RBFOX1: variants seen among roughly 807,000 people sequenced by gnomAD.
RBFOX1 encodes RNA binding protein fox-1 homolog 1.
In RBFOX1, 8 loss-of-function variants were observed where a neutral mutation model predicts 57.7. The observed-to-expected ratio is 0.14, with a 90% CI of 0.08 to 0.25. RBFOX1 has a LOEUF of 0.25. Among genes scored for constraint, RBFOX1 ranks in the 10% least tolerant of loss-of-function variants. The probability of loss-of-function intolerance (pLI) is 1.00; values close to 1 mark genes in which losing one functional copy is unlikely to be tolerated. For synonymous variants in RBFOX1, 326 were observed against 222.4 expected (o/e 1.47, Z -4.15); for missense variants, 611 against 548.5 (o/e 1.11, Z -1.14).
chr16:7,270,611 C>G (rs1400595035), intron 4 of RBFOX1, among the ~76,000 whole-genome samples: 1 of 152,154 alleles, frequency 6.6e-6, no homozygotes, highest in Non-Finnish European at 1.5e-5. Context: ...GAAAATAGGT[C>G]TTAAAATTCA....
chr16:5,818,792 C>A (rs1361192230), intron 3 of RBFOX1, among the ~76,000 whole-genome samples: 1 of 152,094 alleles, frequency 6.6e-6, no homozygotes, highest in African/African-American at 2.4e-5. Flanking sequence ...GCATTGGATC[C>A]CTGTGTCCAT....
chr16:7,123,195 A>G (rs554538376), intron 4 of RBFOX1, among the ~76,000 whole-genome samples: 76 of 152,298 alleles, frequency 5.0e-4, no homozygotes, highest in African/African-American at 1.8e-3. Flanking sequence ...AATTTATGGT[A>G]TATTAATTCC....
intron 3 of RBFOX1, among the ~76,000 whole-genome samples, chr16:5,694,701 C>A (rs61265726): frequency 6.6e-6 from 1 of 151,958 alleles, no homozygotes; most frequent in African/African-American, 2.4e-5. Flanking sequence ...GGCCCTGACT[C>A]CCGATTTAAA....
At chr16:5,663,676 G>A (rs2049734454) in intron 3 of RBFOX1, among the ~76,000 whole-genome samples, 1 of 152,222 alleles carries the variant, frequency 6.6e-6, no homozygotes, top group Admixed American at 6.5e-5. Context: ...AAGGCACCAT[G>A]CTGAGGACTG....
chr16:6,651,741 A>G (rs1037242793), intron 2 of RBFOX1, among the ~76,000 whole-genome samples: 3 of 152,330 alleles, frequency 2.0e-5, no homozygotes, highest in Non-Finnish European at 1.5e-5. Flanking sequence ...AGGGAGTTGA[A>G]TAGATACGTA....
At chr16:7,278,769 A>T (rs1568006480) in intron 4 of RBFOX1, among the ~76,000 whole-genome samples, 1 of 152,262 alleles carries the variant, frequency 6.6e-6, no homozygotes, top group African/African-American at 2.4e-5. Flanking sequence ...TGTTTAAAAA[A>T]TGCAATAAAA....
intron 3 of RBFOX1, among the ~76,000 whole-genome samples, chr16:6,943,597 A>G (rs989842599): frequency 1.3e-5 from 2 of 151,954 alleles, no homozygotes; most frequent in East Asian, 1.9e-4. Context: ...AGTCCCAGCT[A>G]CTTGGGAGGC....
intron 3 of RBFOX1, among the ~76,000 whole-genome samples, chr16:7,035,918 A>T (rs1241589654): frequency 6.6e-6 from 1 of 152,176 alleles, no homozygotes; most frequent in Non-Finnish European, 1.5e-5. Context: ...AGCAACAGTC[A>T]CCACCACCAC....
intron 3 of RBFOX1, among the ~76,000 whole-genome samples, chr16:6,888,563 C>G (rs866644355): frequency 6.6e-6 from 1 of 151,990 alleles, no homozygotes; most frequent in Admixed American, 6.6e-5. Context: ...TGTTTGTCCT[C>G]TGGGTAAAAT....
intron 14 of RBFOX1, among the ~76,000 whole-genome samples, chr16:7,697,767 A>C (rs2079253206): frequency 1.3e-5 from 2 of 152,158 alleles, no homozygotes; most frequent in Non-Finnish European, 2.9e-5. Flanking sequence ...TTCTCACTCC[A>C]GATGGAATTC....
At chr16:5,273,363 A>G (rs1355961732) in intron 1 of RBFOX1, among the ~76,000 whole-genome samples, 1 of 152,106 alleles carries the variant, frequency 6.6e-6, no homozygotes, top group East Asian at 1.9e-4. Flanking sequence ...GCTATGTGCC[A>G]GGCATTGGAG....
At position 6,872,950 on chromosome 16, in the gene RBFOX1, C is replaced by G. The variant is rs566928296; in HGVS notation, c.-15-179107C>G. Among the ~76,000 whole-genome samples the G allele has an allele frequency of 2.0e-5, 3 of 152,092 alleles. No individual in the cohort carries two copies. In the South Asian group the frequency reaches 6.2e-4, roughly 32 times the overall value. On this transcript the variant is annotated intron_variant, in intron 3 of 15. Coordinates refer to ENST00000550418, the MANE Select transcript of RBFOX1 (RefSeq NM_018723.4). ...CCTGACACTTGCTCTGTTTTACTTC[C>G]CCGGCCGCAGCTGGTCTTGAGTATA...
chr16:7,456,867 A>G (rs373896899), intron 4 of RBFOX1, among the ~76,000 whole-genome samples: 6 of 151,798 alleles, frequency 4.0e-5, no homozygotes, highest in Admixed American at 1.3e-4. Flanking sequence ...TATTTTGGGT[A>G]TTCTTCCACT....
chr16:6,425,410 A>G (rs1039960958), intron 2 of RBFOX1, among the ~76,000 whole-genome samples: 2 of 152,160 alleles, frequency 1.3e-5, no homozygotes, highest in African/African-American at 4.8e-5. Flanking sequence ...TAAAAATGGC[A>G]GTAGTGTTCA....
chr16:7,353,438 C>G (rs1388944140), intron 4 of RBFOX1, among the ~76,000 whole-genome samples: 1 of 152,126 alleles, frequency 6.6e-6, no homozygotes, highest in East Asian at 1.9e-4. Context: ...GTTATTATGA[C>G]CCAGCAATTC....
intron 4 of RBFOX1, among the ~76,000 whole-genome samples, chr16:7,231,710 C>T (rs2093502770): frequency 6.6e-6 from 1 of 152,112 alleles, no homozygotes; most frequent in Admixed American, 6.6e-5. Flanking sequence ...AATGAAATAT[C>T]ATTGAGCCAT....
chr16:7,588,976 G>A (rs1243083394), intron 7 of RBFOX1, among the ~76,000 whole-genome samples: 1 of 152,152 alleles, frequency 6.6e-6, no homozygotes, highest in Non-Finnish European at 1.5e-5. Context: ...CTCCTTCAGG[G>A]ACCTTGTCAT....
intron 1 of RBFOX1, among the ~76,000 whole-genome samples, chr16:6,280,636 C>T (rs894977109): frequency 2.0e-5 from 3 of 152,048 alleles, no homozygotes; most frequent in South Asian, 2.1e-4. Context: ...TTTAGCCCCA[C>T]GAGCCAGAAT....
chr16:5,881,198 C>T (rs934721789), intron 4 of RBFOX1, among the ~76,000 whole-genome samples: 3 of 152,178 alleles, frequency 2.0e-5, no homozygotes, highest in Admixed American at 6.5e-5. Context: ...CATCTTGGCC[C>T]TGAACTGTCT....
Sources: gnomAD v4.1 joint callset for allele counts (sites outside exome capture counted in the v4.1 genomes callset) on GRCh38, gnomAD v4.1.1 for gene constraint, MANE v1.5 for transcripts, NCBI Gene and HGNC (gene_info 2026-07-23, HGNC 2026-07-21) for gene names.